The following MCCC2 variants were observed in gnomAD, a reference collection of about 807,000 sequenced individuals.
MCCC2 encodes methylcrotonoyl-CoA carboxylase beta chain, mitochondrial.
MCCC2 carries 52 observed loss-of-function variants against 77.2 expected under a neutral mutation model. That is an observed-to-expected ratio of 0.67 (90% CI 0.54 to 0.85). The LOEUF (loss-of-function observed/expected upper bound fraction) is 0.85. Ranked by LOEUF, MCCC2 falls within the 40% of genes least tolerant of loss-of-function variation. The pLI, the probability that MCCC2 is intolerant of heterozygous loss-of-function variation, is 0.00. For missense variants in MCCC2, 682 were observed against 703.2 expected (o/e 0.97, Z 0.34); for synonymous variants, 253 against 248.4 (o/e 1.02, Z -0.18).
intron 3 of MCCC2, among the ~76,000 whole-genome samples, chr5:71,597,560 G>A (rs1471465010): frequency 1.3e-5 from 2 of 152,172 alleles, no homozygotes; most frequent in East Asian, 3.9e-4. Flanking sequence ...AGGAGTGCAG[G>A]GTTCTGGATG....
intron 6 of MCCC2, among the ~76,000 whole-genome samples, chr5:71,612,012 T>A (rs1308623557): frequency 6.6e-6 from 1 of 151,998 alleles, no homozygotes; most frequent in South Asian, 2.1e-4. Context: ...ATGGTCTCGA[T>A]CTCCTGACCT....
intron 10 of MCCC2, 21 bp downstream of exon 10, chr5:71,635,267 G>A (rs757418353): frequency 2.8e-5 from 45 of 1,599,846 alleles, no homozygotes; most frequent in Non-Finnish European, 3.5e-5. Flanking sequence ...GTGGAACTGT[G>A]AGCTTTATGA....
rs868540696 is a variant in MCCC2 at position 71,652,537 on chromosome 5, T to C, written c.1489-132T>C. On this transcript the variant is annotated intron_variant, in intron 15 of 16. Transcript: ENST00000340941. ...TGTATGTTAATGATCACTTGTAATT[T>C]ATACATCACTATGCACATGTTAGAT... 32 of 753,614 alleles carry C rather than the reference T, an allele frequency of 4.2e-5. No homozygotes were observed. In the Middle Eastern group the frequency reaches 6.4e-3, roughly 150 times the overall value. 46.7% of individuals were successfully genotyped at this position (753,614 alleles called of 1,614,324 possible).
At chr5:71,647,424 A>G (rs1747300280) in intron 13 of MCCC2, among the ~76,000 whole-genome samples, 1 of 152,244 alleles carries the variant, frequency 6.6e-6, no homozygotes, top group Non-Finnish European at 1.5e-5. Flanking sequence ...AAAAGGGCAG[A>G]TAGAAAGGAT....
intron 1 of MCCC2, among the ~76,000 whole-genome samples, chr5:71,588,806 GGACTT>G (rs1744858644): frequency 6.6e-6 from 1 of 152,060 alleles, no homozygotes; most frequent in Non-Finnish European, 1.5e-5. Flanking sequence ...TCTGGTGTGA[GGACTT>G]GAATTCCATG....
Position 71,596,297 on chromosome 5 carries a change from C to T in MCCC2, c.214C>T (p.Arg72Ter), listed in dbSNP as rs147903984. ...TATCATAGGAGGTGGTGAGAAAGCC[C>T]GAGCACTTCACATATCAAGAGGAAA... Reference protein sequence around the residue: ...HIKLGGGEKARALHISRGKLL... With the variant: ...HIKLGGGEKA The change falls in exon 3 of 17, where the codon CGA becomes TGA. Residue 72 changes from arginine (R) to a stop codon, truncating the protein, a stop_gained. Coordinates refer to ENST00000340941, the MANE Select transcript of MCCC2 (RefSeq NM_022132.5). LOFTEE classifies it high-confidence loss of function. 1.2e-5 allele frequency: 20 copies of T among 1,613,790 alleles called. No homozygotes were observed. Among genetic ancestry groups the T allele is most frequent in the Middle Eastern group, 1.6e-4 (1 of 6,080 alleles).
chr5:71,589,443 C>T (rs971621245), intron 1 of MCCC2, among the ~76,000 whole-genome samples: 2 of 152,254 alleles, frequency 1.3e-5, no homozygotes, highest in Non-Finnish European at 2.9e-5. Flanking sequence ...AGGTCTGCTC[C>T]ATGTGTCTTC....
chr5:71,601,996 T>C (rs1184821015), intron 4 of MCCC2, among the ~76,000 whole-genome samples: 1 of 152,248 alleles, frequency 6.6e-6, no homozygotes, highest in African/African-American at 2.4e-5. Context: ...TAGACTACAT[T>C]TAGTTTTGTA....
intron 15 of MCCC2, among the ~76,000 whole-genome samples, chr5:71,651,834 ACT>A (rs1359326682): frequency 2.0e-5 from 3 of 152,028 alleles, no homozygotes; most frequent in South Asian, 2.1e-4. Context: ...CATGTCTGAA[ACT>A]CTATGAAGCC....
chr5:71,612,365 G>A (rs1323062478), intron 6 of MCCC2, among the ~76,000 whole-genome samples: 1 of 152,130 alleles, frequency 6.6e-6, no homozygotes, highest in Non-Finnish European at 1.5e-5. Flanking sequence ...ATAGTTGGTT[G>A]TAATTGTTTA....
rs753733837 is a variant in MCCC2, at chr5:71,604,372, A to G, written c.528A>G (p.Ala176=). The G allele has an allele frequency of 6.2e-7, 1 of 1,614,158 alleles. No homozygotes were observed. Among genetic ancestry groups the G allele is most frequent in the Non-Finnish European group, 8.5e-7 (1 of 1,180,014 alleles). Residue 176 remains alanine, a synonymous_variant, in exon 6 of 17, where the codon GCA becomes GCG. Transcript: ENST00000340941. ...TGTCTTCAGTTGATTCGGGAGGAGC[A>G]TACTTACCTCGACAAGCAGATGTGT... The part of the protein sequence containing the change: ...PCIYLVDSGG[A]YLPRQADVFP...
rs564299309 is a variant in MCCC2, at chr5:71,609,387, C to T, written c.624+4919C>T. Among the ~76,000 whole-genome samples, 530 of 151,994 alleles carry T rather than the reference C, an allele frequency of 3.5e-3. 1 individual carries two copies. Among genetic ancestry groups the T allele is most frequent in the Non-Finnish European group, 4.9e-3 (331 of 68,004 alleles). On this transcript the variant is annotated intron_variant, in intron 6 of 16. Transcript: ENST00000340941. ...GCTCCTGAGGCTTCTGCATTCTTCA[C>T]GTAGTTCTCGAGCCTTGGTTTTCAG...
chr5:71,646,901 G>A (rs532246485), intron 13 of MCCC2, among the ~76,000 whole-genome samples: 4 of 152,234 alleles, frequency 2.6e-5, no homozygotes, highest in Admixed American at 2.6e-4. Context: ...TTCAACTTAA[G>A]TAACATCATT....
chr5:71,611,157 T>A (rs1296134399), intron 6 of MCCC2, among the ~76,000 whole-genome samples: 1 of 152,102 alleles, frequency 6.6e-6, no homozygotes, highest in Non-Finnish European at 1.5e-5. Context: ...TCCCAGCACT[T>A]TGGGAGGCTG....
At chr5:71,641,183 G>A (rs1747112963) in intron 11 of MCCC2, 108 bp downstream of exon 11, 1 of 991,178 alleles carries the variant, frequency 1.0e-6, no homozygotes, top group South Asian at 1.3e-5. Context: ...GTTGTTGAGA[G>A]CACTACAAAT....
In MCCC2 at chr5:71,587,480, G is replaced by C. The variant is rs775893873; in HGVS notation, c.55G>C (p.Gly19Arg). The stretch of plus-strand genomic sequence containing the variant: ...GCCGTGTGCCCGCGCCTCTCCCGCC[G>C]GGCCGCGCGCCTATCACGGGGACTC... ...LRPCARASPA[G>R]PRAYHGDSVA... Residue 19 changes from glycine to arginine, a missense_variant, in exon 1 of 17, where the codon GGG becomes CGG. Physicochemically the swap from Gly to Arg is moderately radical, Grantham distance 125 (BLOSUM62 -2). Transcript: ENST00000340941. 13 of 1,536,882 alleles carry C rather than the reference G, an allele frequency of 8.5e-6. No homozygotes were observed. The highest frequency in any genetic ancestry group is 1.1e-5 in the Non-Finnish European group (13 of 1,146,232).
intron 6 of MCCC2, among the ~76,000 whole-genome samples, chr5:71,614,971 T>A (rs1423150104): frequency 2.0e-5 from 3 of 152,092 alleles, no homozygotes; most frequent in Non-Finnish European, 2.9e-5. Flanking sequence ...GTGGCTACAT[T>A]TTTTTCCCCC....
chr5:71,602,683 A>G, intron 5 of MCCC2, 50 bp downstream of exon 5: 3 of 1,613,602 alleles, frequency 1.9e-6, no homozygotes, highest in Non-Finnish European at 2.5e-6. Context: ...GTAAAATGCA[A>G]GATAGTTTGG....
rs573335373 is a variant in MCCC2 at position 71,633,735 on chromosome 5, A to T, written c.804-1208A>T. The stretch of plus-strand genomic sequence containing the variant: ...TTTTGGTAAATACTAGACAGTTTTC[A>T]TAAAAAAGCATTTTATTTTAAATAT... On this transcript the variant is annotated intron_variant, in intron 8 of 16. Transcript: ENST00000340941. Among the ~76,000 whole-genome samples, 82 of 152,320 alleles carry T rather than the reference A, an allele frequency of 5.4e-4. 1 individual carries two copies. The highest frequency in any genetic ancestry group is 1.2e-4 in the Non-Finnish European group (8 of 68,034).
Sources: gnomAD v4.1 joint callset for allele counts (sites outside exome capture counted in the v4.1 genomes callset) on GRCh38, gnomAD v4.1.1 for gene constraint, MANE v1.5 for transcripts, NCBI Gene and HGNC (gene_info 2026-07-23, HGNC 2026-07-21) for gene names.